DCDC2C: variants seen among roughly 807,000 people sequenced by gnomAD.
DCDC2C encodes doublecortin domain containing 2C.
In DCDC2C, 44 loss-of-function variants were observed where a neutral mutation model predicts 45.0. The ratio of observed to expected loss-of-function variants is 0.98; its 90% CI spans 0.77 to 1.26. The LOEUF (loss-of-function observed/expected upper bound fraction) is 1.26. Ranked by LOEUF, DCDC2C falls within the 50% of genes most tolerant of loss-of-function variation. The pLI, the probability that DCDC2C is intolerant of heterozygous loss-of-function variation, is 0.00. For synonymous variants in DCDC2C, 187 were observed against 178.8 expected, an observed-to-expected ratio of 1.05 and a Z score of -0.37; for missense variants, 447 against 468.9, an observed-to-expected ratio of 0.95 and a Z score of 0.43.
chr2:3,838,951 GCT>G (rs932210112), intron 10 of DCDC2C, among the ~76,000 whole-genome samples: 2 of 151,980 alleles, frequency 1.3e-5, no homozygotes, highest in Non-Finnish European at 2.9e-5. Context: ...TTTTGGTTTT[GCT>G]CTGTTTTTCA....
At chr2:3,739,799 G>A (rs543852912) in intron 3 of DCDC2C, among the ~76,000 whole-genome samples, 1 of 152,326 alleles carries the variant, frequency 6.6e-6, no homozygotes, top group African/African-American at 2.4e-5. Context: ...GGGTCTAATT[G>A]AGCTGATTAA....
At chr2:3,762,996 G>C (rs776355020) in intron 6 of DCDC2C, among the ~76,000 whole-genome samples, 10 of 152,124 alleles carry the variant, frequency 6.6e-5, no homozygotes, top group Non-Finnish European at 1.3e-4. Context: ...AGGGTGGCAA[G>C]AGTTTGGACT....
intron 4 of DCDC2C, among the ~76,000 whole-genome samples, chr2:3,744,262 G>A (rs561381440): frequency 6.6e-6 from 1 of 152,322 alleles, no homozygotes; most frequent in South Asian, 2.1e-4. Flanking sequence ...GAGGGATGGA[G>A]GCTCATGGCA....
At chr2:3,816,874 T>A (rs1054119008) in intron 10 of DCDC2C, among the ~76,000 whole-genome samples, 3 of 152,164 alleles carry the variant, frequency 2.0e-5, no homozygotes, top group African/African-American at 7.2e-5. Context: ...GATGGAACAC[T>A]GAGAAGTGAT....
intron 6 of DCDC2C, among the ~76,000 whole-genome samples, chr2:3,762,756 C>T (rs889509870): frequency 3.9e-5 from 6 of 152,186 alleles, no homozygotes; most frequent in East Asian, 1.9e-4. Flanking sequence ...CAGATTTGGG[C>T]GGGGGACAAA....
chr2:3,707,463 T>C (rs1248511228), intron 1 of DCDC2C, among the ~76,000 whole-genome samples: 1 of 152,196 alleles, frequency 6.6e-6, no homozygotes, highest in African/African-American at 2.4e-5. Flanking sequence ...TCTAAGCAAG[T>C]GGAGAGGCTC....
At chr2:3,781,075 G>T (rs983786275) in intron 9 of DCDC2C, among the ~76,000 whole-genome samples, 6 of 152,334 alleles carry the variant, frequency 3.9e-5, no homozygotes, top group African/African-American at 1.4e-4. Flanking sequence ...ACAAACCTTT[G>T]TTGATGTGAA....
chr2:3,745,113 GTACCTAGGAT>G (rs566110497), intron 4 of DCDC2C, among the ~76,000 whole-genome samples: 266 of 152,198 alleles, frequency 1.7e-3, no homozygotes, highest in Non-Finnish European at 2.7e-3. Context: ...AGCCTCTGGA[GTACCTAGGAT>G]TACAGACGCC....
Position 3,703,953 on chromosome 2 carries a change from C to A in DCDC2C, c.202C>A (p.Arg68Ser). ...FGVRRLFTPT[R>S]GHRVLGLDAL... is the part of the protein sequence containing the mutation. ...CGTGCGCCGCCTCTTCACGCCCACGCGTGGGCACCGGGTGCTGGGGCTGGA... is the reference window on the plus strand; with the variant it reads ...CGTGCGCCGCCTCTTCACGCCCACGAGTGGGCACCGGGTGCTGGGGCTGGA... Residue 68 changes from arginine (R) to serine (S), a missense_variant, in exon 1 of 11, where the codon CGT (arginine) becomes AGT (serine). Coordinates refer to ENST00000399143, the MANE Select transcript of DCDC2C (RefSeq NM_001287444.2). The surrounding 1 kb of genome is among the most constrained non-coding windows in gnomAD (Gnocchi z 4.4). 7.6e-7 allele frequency: 1 copy of A among 1,317,778 alleles called. No individual in the cohort carries two copies. The highest frequency in any genetic ancestry group is 2.0e-5 in the South Asian group (1 of 48,842). 81.6% of individuals were successfully genotyped at this position (1,317,778 alleles called of 1,614,324 possible).
chr2:3,840,966 C>T (rs191778325), intron 10 of DCDC2C, among the ~76,000 whole-genome samples: 2 of 152,180 alleles, frequency 1.3e-5, no homozygotes, highest in African/African-American at 4.8e-5. Context: ...ATGCATGGAG[C>T]CTTCTAAACT....
intron 10 of DCDC2C, among the ~76,000 whole-genome samples, chr2:3,837,465 G>T (rs1672109736): frequency 6.6e-6 from 1 of 152,148 alleles, no homozygotes; most frequent in South Asian, 2.1e-4. Context: ...GAACTAGGCT[G>T]TAGGGGAGCA....
chr2:3,806,104 G>A (rs1671236993), intron 10 of DCDC2C, among the ~76,000 whole-genome samples: 1 of 152,160 alleles, frequency 6.6e-6, no homozygotes, highest in African/African-American at 2.4e-5. Flanking sequence ...CCAAAGTGCT[G>A]GGTTTACAAG....
At chr2:3,764,229 G>T (rs1669959003) in intron 6 of DCDC2C, among the ~76,000 whole-genome samples, 1 of 152,188 alleles carries the variant, frequency 6.6e-6, no homozygotes, top group Non-Finnish European at 1.5e-5. Context: ...ATTAAGAAAA[G>T]TAAGTGCAAT....
At chr2:3,789,234 G>A (rs1212511317) in intron 10 of DCDC2C, among the ~76,000 whole-genome samples, 3 of 152,136 alleles carry the variant, frequency 2.0e-5, no homozygotes, top group Non-Finnish European at 4.4e-5. Flanking sequence ...AGAAACAAGA[G>A]TGAAAAACTG....
intron 10 of DCDC2C, among the ~76,000 whole-genome samples, chr2:3,804,822 A>G (rs534839035): frequency 6.6e-6 from 1 of 152,298 alleles, no homozygotes; most frequent in Non-Finnish European, 1.5e-5. Context: ...TCTTACCCCC[A>G]TTCTGGCCTC....
chr2:3,776,106 C>G (rs964287839), intron 8 of DCDC2C, among the ~76,000 whole-genome samples: 22 of 152,222 alleles, frequency 1.4e-4, no homozygotes, highest in African/African-American at 5.3e-4. Context: ...CTTCCAGATG[C>G]TGGATCCTTT....
At chr2:3,706,920 C>G (rs1668077912) in intron 1 of DCDC2C, among the ~76,000 whole-genome samples, 1 of 152,216 alleles carries the variant, frequency 6.6e-6, no homozygotes, top group African/African-American at 2.4e-5. Flanking sequence ...ATCCATAAAG[C>G]AGGCTGGCTT....
intron 2 of DCDC2C, among the ~76,000 whole-genome samples, chr2:3,725,483 A>G (rs62106602): frequency 0.059 from 1,357 of 23,108 alleles, 12 homozygotes; most frequent in South Asian, 0.13. Context: ...ATCCCAGAGG[A>G]AGACGAGCAG....
intron 3 of DCDC2C, among the ~76,000 whole-genome samples, chr2:3,739,551 G>C (rs569632244): frequency 6.6e-6 from 1 of 152,380 alleles, no homozygotes; most frequent in East Asian, 1.9e-4. Context: ...ACACCGGCAG[G>C]CCGCCGACCG....
Sources: allele counts gnomAD v4.1 joint callset (sites outside exome capture counted in the v4.1 genomes callset), GRCh38; gene constraint gnomAD v4.1.1; non-coding constraint Gnocchi (gnomAD v3.1); transcripts MANE v1.5; gene names NCBI Gene and HGNC (gene_info 2026-07-23, HGNC 2026-07-21).